TMEM232: variants seen among roughly 807,000 people sequenced by gnomAD.
TMEM232 encodes the protein transmembrane protein 232.
In TMEM232, 80 loss-of-function variants were observed where a neutral mutation model predicts 78.8. That is an observed-to-expected ratio of 1.01 (90% CI 0.85 to 1.22). The LOEUF (loss-of-function observed/expected upper bound fraction) is 1.22. TMEM232 is among the 50% of genes most tolerant of loss of function. TMEM232 has a pLI of 0.00. For missense variants in TMEM232, 881 were observed against 742.2 expected (o/e 1.19, Z -2.17); for synonymous variants, 297 against 254.3 (o/e 1.17, Z -1.60).
At chr5:110,682,630 TA>T (rs1408706827) in intron 1 of TMEM232, among the ~76,000 whole-genome samples, 1 of 152,250 alleles carries the variant, frequency 6.6e-6, no homozygotes, top group East Asian at 1.9e-4. Context: ...TTATATCAGA[TA>T]TGGTTTTTAT....
chr5:110,557,593 C>A (rs1242845825), intron 11 of TMEM232, among the ~76,000 whole-genome samples: 1 of 152,118 alleles, frequency 6.6e-6, no homozygotes, highest in Non-Finnish European at 1.5e-5. Context: ...TCAGGCAATT[C>A]ACAATCATGG....
chr5:110,694,077 G>A (rs147769670), intron 1 of TMEM232, among the ~76,000 whole-genome samples: 2,678 of 151,978 alleles, frequency 0.018, 92 homozygotes, highest in African/African-American at 0.062. Flanking sequence ...ACCCACAAAG[G>A]GAAGCCCATC....
chr5:110,568,130 G>A (rs1045306232), intron 11 of TMEM232, among the ~76,000 whole-genome samples: 1 of 151,842 alleles, frequency 6.6e-6, no homozygotes, highest in Non-Finnish European at 1.5e-5. Context: ...TACCTAACAT[G>A]TCTATCAGAA....
At chr5:110,618,053 G>A (rs1298047772) in intron 8 of TMEM232, 1 of 180,360 alleles carries the variant, frequency 5.5e-6, no homozygotes, top group African/African-American at 2.4e-5. Flanking sequence ...TACAAGTAAG[G>A]CATAAAGAAA....
At chr5:110,505,017 T>C (rs1209741570) in intron 12 of TMEM232, among the ~76,000 whole-genome samples, 1 of 152,230 alleles carries the variant, frequency 6.6e-6, no homozygotes, top group Non-Finnish European at 1.5e-5. Flanking sequence ...TATACCTTCT[T>C]TCCTCCCAGG....
chr5:110,588,299 T>C (rs1413001436), intron 10 of TMEM232, among the ~76,000 whole-genome samples: 3 of 152,138 alleles, frequency 2.0e-5, no homozygotes, highest in Non-Finnish European at 4.4e-5. Context: ...CATATTTTAC[T>C]TTTTCCATTT....
At chr5:110,522,487 T>C (rs1373038475) in intron 12 of TMEM232, among the ~76,000 whole-genome samples, 19 of 152,214 alleles carry the variant, frequency 1.2e-4, no homozygotes, top group Admixed American at 1.2e-3. Context: ...TTGTATTATT[T>C]CTGATCTTAG....
chr5:110,716,228 G>T (rs569607764), intron 1 of TMEM232, among the ~76,000 whole-genome samples: 3 of 152,214 alleles, frequency 2.0e-5, no homozygotes, highest in East Asian at 3.9e-4. Context: ...ACAGCAGGGG[G>T]CCCCGATCTT....
intron 12 of TMEM232, among the ~76,000 whole-genome samples, chr5:110,425,675 A>T (rs1483197012): frequency 6.6e-6 from 1 of 152,020 alleles, no homozygotes; most frequent in African/African-American, 2.4e-5. Flanking sequence ...TCTATTCTGC[A>T]CTAAAGGCTT....
chr5:110,572,102 A>G (rs1777017195), intron 10 of TMEM232, among the ~76,000 whole-genome samples: 1 of 151,956 alleles, frequency 6.6e-6, no homozygotes, highest in Non-Finnish European at 1.5e-5. Flanking sequence ...GGAAAGGAGA[A>G]GTACATTTTT....
At chr5:110,458,881 AAC>A (rs1199577102) in intron 12 of TMEM232, among the ~76,000 whole-genome samples, 20 of 152,146 alleles carry the variant, frequency 1.3e-4, no homozygotes, top group Admixed American at 1.3e-3. Context: ...ATATTTGCTA[AAC>A]TAATTGGTGC....
At position 110,641,763 on chromosome 5, in the gene TMEM232, T is replaced by TA. The variant is rs973736988; in HGVS notation, c.237+496dup. Reference sequence around the variant, plus strand: ...TGTAAAACTTAAACTGAATCCAATGTAAAAAAGGCAAAGCAAGGACTTACT... The same window carrying TA: ...TGTAAAACTTAAACTGAATCCAATGTAAAAAAAGGCAAAGCAAGGACTTACT... On this transcript the variant is annotated intron_variant, in intron 3 of 13. Transcript: ENST00000455884. 5.0e-4 allele frequency among the ~76,000 whole-genome samples: 76 copies of TA among 152,254 alleles called. 1 individual carries two copies. Among genetic ancestry groups the TA allele is most frequent in the African/African-American group, 1.7e-3 (72 of 41,566 alleles).
intron 10 of TMEM232, among the ~76,000 whole-genome samples, chr5:110,600,696 A>T (rs1780776194): frequency 6.6e-6 from 1 of 152,072 alleles, no homozygotes; most frequent in African/African-American, 2.4e-5. Context: ...AAAAGACCAG[A>T]ACCAGATGGA....
chr5:110,403,119 G>C (rs1175108856), intron 2 of TMEM232, among the ~76,000 whole-genome samples: 3 of 152,042 alleles, frequency 2.0e-5, no homozygotes, highest in African/African-American at 7.2e-5. Flanking sequence ...TTTGCAGTCA[G>C]CTACATTCCC....
intron 11 of TMEM232, among the ~76,000 whole-genome samples, chr5:110,542,315 G>A (rs909318669): frequency 6.6e-6 from 1 of 152,094 alleles, no homozygotes; most frequent in African/African-American, 2.4e-5. Flanking sequence ...TAACTAAGCA[G>A]AATGTTTTAA....
intron 1 of TMEM232, among the ~76,000 whole-genome samples, chr5:110,705,867 T>C (rs1166455075): frequency 1.3e-5 from 2 of 151,540 alleles, no homozygotes; most frequent in Non-Finnish European, 2.9e-5. Flanking sequence ...ATGTGTGGAA[T>C]CCTGAAATCA....
chr5:110,659,581 G>A (rs2150096430), intron 2 of TMEM232, among the ~76,000 whole-genome samples: 1 of 152,016 alleles, frequency 6.6e-6, no homozygotes, highest in Admixed American at 6.6e-5. Context: ...AGATACAAGG[G>A]AAAATATGGC....
chr5:110,556,827 T>C (rs913074003), intron 11 of TMEM232, among the ~76,000 whole-genome samples: 21 of 152,174 alleles, frequency 1.4e-4, no homozygotes, highest in African/African-American at 4.3e-4. Context: ...TTCTTTCACA[T>C]TGATCTTGGA....
chr5:110,542,339 C>T (rs534550632), intron 11 of TMEM232, among the ~76,000 whole-genome samples: 1 of 152,228 alleles, frequency 6.6e-6, no homozygotes, highest in Non-Finnish European at 1.5e-5. Flanking sequence ...AGTTATATAA[C>T]AAACATTCCT....
Sources: allele counts gnomAD v4.1 joint callset (sites outside exome capture counted in the v4.1 genomes callset), GRCh38; gene constraint gnomAD v4.1.1; transcripts MANE v1.5; gene names NCBI Gene and HGNC (gene_info 2026-07-23, HGNC 2026-07-21).